MYO3B: variants seen among roughly 807,000 people sequenced by gnomAD.
The protein encoded by MYO3B is myosin-IIIb.
In MYO3B, 156 loss-of-function variants were observed where a neutral mutation model predicts 174.6. The ratio of observed to expected loss-of-function variants is 0.89; its 90% confidence interval spans 0.78 to 1.02. The LOEUF is 1.02. Ranked by LOEUF, MYO3B falls within the 50% of genes least tolerant of loss-of-function variation. MYO3B has a pLI of 0.00. For synonymous variants in MYO3B, 563 were observed against 569.1 expected (o/e 0.99, Z 0.15); for missense variants, 1,632 against 1,639.4 (o/e 1.00, Z 0.08).
At chr2:170,298,631 G>A (rs944209439) in intron 7 of MYO3B, among the ~76,000 whole-genome samples, 1 of 141,504 alleles carries the variant, frequency 7.1e-6, no homozygotes, top group Non-Finnish European at 1.5e-5. Flanking sequence ...CCGAGATCAC[G>A]CCACTGCTCT....
intron 32 of MYO3B, among the ~76,000 whole-genome samples, chr2:170,612,124 C>T (rs1695160529): frequency 1.3e-5 from 2 of 152,198 alleles, no homozygotes; most frequent in Admixed American, 1.3e-4. Flanking sequence ...AAAATCTGCA[C>T]TCCCACCAGT....
chr2:170,491,486 C>T (rs528433920), intron 25 of MYO3B, among the ~76,000 whole-genome samples: 12 of 152,062 alleles, frequency 7.9e-5, no homozygotes, highest in South Asian at 2.1e-4. Context: ...AGTGCAGTGG[C>T]GCGATCTCTG....
intron 14 of MYO3B, among the ~76,000 whole-genome samples, chr2:170,389,435 AT>A (rs1461774584): frequency 6.6e-6 from 1 of 152,222 alleles, no homozygotes; most frequent in African/African-American, 2.4e-5. Context: ...TGCCATGGAC[AT>A]GTACTCTGAG....
At chr2:170,207,286 C>T (rs1194338357) in intron 3 of MYO3B, among the ~76,000 whole-genome samples, 2 of 152,140 alleles carry the variant, frequency 1.3e-5, no homozygotes, top group Non-Finnish European at 2.9e-5. Context: ...CTAAGGGTTG[C>T]TGGCCAAAGG....
Position 170,520,465 on chromosome 2 carries a change from A to G in MYO3B, c.3575+925A>G, listed in dbSNP as rs185941493. On this transcript the variant is annotated intron_variant, in intron 30 of 34. Transcript: ENST00000408978. Reference sequence around the variant, plus strand: ...TATATACACATATATATATACACACACATATATATACACATATATATATAC... The same window carrying G: ...TATATACACATATATATATACACACGCATATATATACACATATATATATAC... 4.1e-3 allele frequency among the ~76,000 whole-genome samples: 613 copies of G among 148,718 alleles called. 5 individuals carry two copies. Among genetic ancestry groups the G allele is most frequent in the African/African-American group, 0.015 (587 of 39,924 alleles).
At chr2:170,180,177 A>G (rs1225446544) in intron 1 of MYO3B, 3 of 446,826 alleles carry the variant, frequency 6.7e-6, no homozygotes, top group African/African-American at 4.0e-5. Flanking sequence ...TTTACTTTCA[A>G]CAAGGTAAGG....
At chr2:170,640,194 T>C (rs1559190643) in intron 32 of MYO3B, among the ~76,000 whole-genome samples, 1 of 152,180 alleles carries the variant, frequency 6.6e-6, no homozygotes, top group Non-Finnish European at 1.5e-5. Flanking sequence ...CCCTGACCAA[T>C]TAAATTAGGA....
At chr2:170,558,409 C>T (rs1270494326) in intron 32 of MYO3B, among the ~76,000 whole-genome samples, 1 of 151,980 alleles carries the variant, frequency 6.6e-6, no homozygotes, top group Non-Finnish European at 1.5e-5. Flanking sequence ...TTGCCAGTGC[C>T]ACAGAAGCCA....
chr2:170,336,927 A>G (rs752520599), intron 8 of MYO3B, among the ~76,000 whole-genome samples: 2 of 151,828 alleles, frequency 1.3e-5, no homozygotes, highest in African/African-American at 2.4e-5. Flanking sequence ...AGTGGAAAAG[A>G]ACTCAAAGAC....
intron 30 of MYO3B, among the ~76,000 whole-genome samples, chr2:170,530,808 T>C (rs553436077): frequency 1.3e-5 from 2 of 152,162 alleles, no homozygotes; most frequent in African/African-American, 2.4e-5. Flanking sequence ...TGAAACTTCA[T>C]ATTAAAAGTG....
At chr2:170,231,477 A>G (rs1323813036) in intron 6 of MYO3B, among the ~76,000 whole-genome samples, 1 of 152,250 alleles carries the variant, frequency 6.6e-6, no homozygotes, top group African/African-American at 2.4e-5. Context: ...CTGCCAGTGC[A>G]TAGATATTGC....
At chr2:170,365,888 G>A (rs13004652) in intron 8 of MYO3B, among the ~76,000 whole-genome samples, 1 of 151,916 alleles carries the variant, frequency 6.6e-6, no homozygotes, top group Admixed American at 6.6e-5. Context: ...AGTTCAGAGC[G>A]TGCCCAACCC....
At chr2:170,542,347 G>A (rs1182045343) in intron 30 of MYO3B, among the ~76,000 whole-genome samples, 3 of 152,192 alleles carry the variant, frequency 2.0e-5, no homozygotes, top group Admixed American at 2.0e-4. Flanking sequence ...TTTATTAGAT[G>A]TTAATAGGTT....
intron 22 of MYO3B, among the ~76,000 whole-genome samples, chr2:170,428,073 G>A (rs1003725275): frequency 3.9e-5 from 6 of 152,118 alleles, no homozygotes; most frequent in Non-Finnish European, 8.8e-5. Flanking sequence ...CTCCTCTCAC[G>A]TGCTAAGAAA....
chr2:170,611,618 G>A (rs1695131970), intron 32 of MYO3B, among the ~76,000 whole-genome samples: 1 of 152,118 alleles, frequency 6.6e-6, no homozygotes, highest in Non-Finnish European at 1.5e-5. Flanking sequence ...GACCAGGCAG[G>A]AGAATTCAAA....
At chr2:170,288,670 CT>C (rs1314482849) in intron 7 of MYO3B, among the ~76,000 whole-genome samples, 1 of 151,970 alleles carries the variant, frequency 6.6e-6, no homozygotes, top group Non-Finnish European at 1.5e-5. Context: ...ACAAACAAAG[CT>C]AATTTGACTT....
At chr2:170,207,442 T>C (rs2092724281) in intron 3 of MYO3B, among the ~76,000 whole-genome samples, 3 of 152,092 alleles carry the variant, frequency 2.0e-5, no homozygotes, top group Admixed American at 6.6e-5. Flanking sequence ...TTGAGGCCTT[T>C]TATGTTTGCA....
intron 32 of MYO3B, among the ~76,000 whole-genome samples, chr2:170,615,192 G>A (rs757731201): frequency 1.2e-4 from 18 of 152,040 alleles, no homozygotes; most frequent in East Asian, 1.9e-4. Context: ...AGCTCTAGAC[G>A]TATCTTCCTC....
At chr2:170,545,794 C>T (rs1041237745) in intron 32 of MYO3B, among the ~76,000 whole-genome samples, 1 of 152,158 alleles carries the variant, frequency 6.6e-6, no homozygotes, top group Non-Finnish European at 1.5e-5. Flanking sequence ...TCCCCTTACA[C>T]TCTTATAAAC....
Sources: gnomAD v4.1 joint callset for allele counts (sites outside exome capture counted in the v4.1 genomes callset) on GRCh38, gnomAD v4.1.1 for gene constraint, MANE v1.5 for transcripts, NCBI Gene and HGNC (gene_info 2026-07-23, HGNC 2026-07-21) for gene names.